The following CFAP54 variants were observed in gnomAD, a reference collection of about 807,000 sequenced individuals.
The protein encoded by CFAP54 is cilia- and flagella-associated protein 54.
A neutral mutation model predicts 370.4 loss-of-function variants in CFAP54; 290 were observed. The ratio of observed to expected loss-of-function variants is 0.78; its 90% CI spans 0.71 to 0.86. The LOEUF is 0.86. Among genes scored for constraint, CFAP54 ranks in the 40% least tolerant of loss-of-function variants. The pLI, the probability that CFAP54 is intolerant of heterozygous loss-of-function variation, is 0.00. For missense variants in CFAP54, 3,399 were observed against 3,528.7 expected, an observed-to-expected ratio of 0.96 and a Z score of 0.93; for synonymous variants, 1,206 against 1,236.5, an observed-to-expected ratio of 0.98 and a Z score of 0.52.
chr12:96,588,836 A>G (rs1005987929), intron 22 of CFAP54, among the ~76,000 whole-genome samples: 1 of 152,168 alleles, frequency 6.6e-6, no homozygotes, highest in Non-Finnish European at 1.5e-5. Context: ...TTGAACTTCT[A>G]GGCTTCACCA....
chr12:96,753,997 T>C, intron 56 of CFAP54, 99 bp downstream of exon 56: 1 of 1,241,030 alleles, frequency 8.1e-7, no homozygotes, highest in East Asian at 2.4e-5. Context: ...ACTATAAAAA[T>C]TACAAACATA....
chr12:96,608,818 G>A (rs1010573455), intron 26 of CFAP54, among the ~76,000 whole-genome samples: 1 of 152,040 alleles, frequency 6.6e-6, no homozygotes, highest in African/African-American at 2.4e-5. Flanking sequence ...AGGAATAAGA[G>A]AGAGAAAACA....
intron 67 of CFAP54, among the ~76,000 whole-genome samples, chr12:96,873,782 G>A (rs1053529430): frequency 1.3e-5 from 2 of 152,086 alleles, no homozygotes; most frequent in African/African-American, 2.4e-5. Context: ...TAATTTTCAT[G>A]TGCCATGAAA....
rs549069597 is a variant in CFAP54, at chr12:96,558,239, T to A, written c.2410+3437T>A. Among the ~76,000 whole-genome samples, 5 of 152,160 alleles carry A rather than the reference T, an allele frequency of 3.3e-5. No individual in the cohort carries two copies. The East Asian group carries it at 9.6e-4, about 29-fold the overall frequency. On this transcript the variant is annotated intron_variant, in intron 17 of 67. Transcript: ENST00000524981. Reference sequence around the variant, plus strand: ...TCAAAGGTAATTTAAAAATTGAAAGTTTTCCTAGGTTGACAAAAGAATTAA... The same window carrying A: ...TCAAAGGTAATTTAAAAATTGAAAGATTTCCTAGGTTGACAAAAGAATTAA...
At chr12:96,671,905 A>G (rs1957150845) in intron 39 of CFAP54, among the ~76,000 whole-genome samples, 1 of 151,970 alleles carries the variant, frequency 6.6e-6, no homozygotes, top group South Asian at 2.1e-4. Context: ...CTGCATGACA[A>G]GAGTGAAACT....
At chr12:96,588,807 G>A (rs564026527) in intron 22 of CFAP54, among the ~76,000 whole-genome samples, 68 of 152,266 alleles carry the variant, frequency 4.5e-4, no homozygotes, top group African/African-American at 1.5e-3. Flanking sequence ...TAAAAAATAG[G>A]TAAGTCAGTT....
chr12:96,648,691 C>T (rs574740337), intron 34 of CFAP54, among the ~76,000 whole-genome samples: 18 of 146,022 alleles, frequency 1.2e-4, no homozygotes, highest in African/African-American at 4.1e-4. Flanking sequence ...TGAATTCAAG[C>T]GATTCTCCTG....
chr12:96,573,380 C>A (rs1405058695), intron 19 of CFAP54, among the ~76,000 whole-genome samples: 1 of 152,192 alleles, frequency 6.6e-6, no homozygotes, highest in African/African-American at 2.4e-5. Flanking sequence ...CTGGGGAAAT[C>A]CACTTATCTT....
chr12:96,539,520 CA>C, intron 13 of CFAP54, among the ~76,000 whole-genome samples: 1 of 151,546 alleles, frequency 6.6e-6, no homozygotes. Flanking sequence ...ACTAAAAATA[CA>C]AAAATTAGCT....
intron 64 of CFAP54, among the ~76,000 whole-genome samples, chr12:96,816,589 G>C (rs1186365291): frequency 6.6e-6 from 1 of 152,206 alleles, no homozygotes; most frequent in Non-Finnish European, 1.5e-5. Context: ...AGATGAGGAT[G>C]CTGTGGACAA....
At chr12:96,769,628 C>G (rs1254630152) in intron 60 of CFAP54, among the ~76,000 whole-genome samples, 2 of 152,130 alleles carry the variant, frequency 1.3e-5, no homozygotes, top group East Asian at 3.8e-4. Context: ...TTTCTCTGGG[C>G]ATGAGTGCAG....
intron 48 of CFAP54, among the ~76,000 whole-genome samples, chr12:96,715,707 A>G (rs1345931817): frequency 6.6e-6 from 1 of 152,184 alleles, no homozygotes; most frequent in Non-Finnish European, 1.5e-5. Flanking sequence ...CTGATTCTAA[A>G]CAAGAAAACT....
At chr12:96,705,917 T>A (rs936045104) in intron 47 of CFAP54, among the ~76,000 whole-genome samples, 14 of 150,844 alleles carry the variant, frequency 9.3e-5, no homozygotes, top group African/African-American at 3.2e-4. Context: ...ATCTGAAGTT[T>A]CATGCTTCAA....
chr12:96,826,748 A>T (rs1215335000), intron 65 of CFAP54, among the ~76,000 whole-genome samples: 81 of 112,538 alleles, frequency 7.2e-4, no homozygotes, highest in Non-Finnish European at 1.0e-3. Flanking sequence ...TATAATTCTT[A>T]TATAATACAT....
At chr12:96,708,573 C>T (rs1957571044) in intron 47 of CFAP54, 35 bp from the exon 48 acceptor site, 1 of 1,518,446 alleles carries the variant, frequency 6.6e-7, no homozygotes, top group Non-Finnish European at 9.0e-7. Flanking sequence ...AAGTATTTTT[C>T]TAATTTGCTC....
intron 64 of CFAP54, among the ~76,000 whole-genome samples, chr12:96,813,827 T>G (rs1375012312): frequency 6.6e-6 from 1 of 152,218 alleles, no homozygotes. Flanking sequence ...GATGCTTGTT[T>G]GTAGTGCCAA....
chr12:96,616,100 C>T (rs1394208240), intron 26 of CFAP54, among the ~76,000 whole-genome samples: 1 of 152,156 alleles, frequency 6.6e-6, no homozygotes, highest in Non-Finnish European at 1.5e-5. Flanking sequence ...ATAGCAAAGA[C>T]TTGGAACCAA....
intron 28 of CFAP54, 52 bp downstream of exon 28, chr12:96,623,933 G>A (rs145711264): frequency 2.2e-5 from 26 of 1,164,790 alleles, no homozygotes; most frequent in Admixed American, 1.0e-4. Context: ...TTTTTAAAAC[G>A]AGAAACTATT....
At chr12:96,822,011 T>G (rs537077261) in intron 65 of CFAP54, among the ~76,000 whole-genome samples, 1 of 152,114 alleles carries the variant, frequency 6.6e-6, no homozygotes, top group Admixed American at 6.6e-5. Context: ...TTTATGTATA[T>G]CCCCCCAAAA....
Sources: gnomAD v4.1 joint callset for allele counts (sites outside exome capture counted in the v4.1 genomes callset) on GRCh38, gnomAD v4.1.1 for gene constraint, MANE v1.5 for transcripts, NCBI Gene and HGNC (gene_info 2026-07-23, HGNC 2026-07-21) for gene names.